The following EYS variants were observed in gnomAD, a reference collection of about 807,000 sequenced individuals.
EYS encodes EGF-like photoreceptor maintenance factor.
EYS carries 250 observed loss-of-function variants against 282.1 expected under a neutral mutation model. The ratio of observed to expected loss-of-function variants is 0.89; its 90% CI spans 0.80 to 0.98. EYS has a LOEUF of 0.98. Ranked by LOEUF, EYS falls within the 50% of genes least tolerant of loss-of-function variation. The pLI is 0.00. For synonymous variants in EYS, 1,355 were observed against 1,282.9 expected, an observed-to-expected ratio of 1.06 and a Z score of -1.20; for missense variants, 4,016 against 3,709.0, an observed-to-expected ratio of 1.08 and a Z score of -2.15.
intron 22 of EYS, among the ~76,000 whole-genome samples, chr6:64,775,630 C>A (rs1773655823): frequency 1.3e-5 from 2 of 151,900 alleles, no homozygotes; most frequent in Non-Finnish European, 2.9e-5. Flanking sequence ...TTCTCTAGGC[C>A]ACAAAATTTT....
At chr6:65,474,590 T>A (rs933705370) in intron 5 of EYS, among the ~76,000 whole-genome samples, 1 of 152,126 alleles carries the variant, frequency 6.6e-6, no homozygotes, top group Non-Finnish European at 1.5e-5. Context: ...AGTATGTAAA[T>A]CTTCCAACAG....
chr6:64,542,202 C>T (rs1764710839), intron 26 of EYS, among the ~76,000 whole-genome samples: 1 of 152,026 alleles, frequency 6.6e-6, no homozygotes, highest in Non-Finnish European at 1.5e-5. Context: ...ATAGCTGTCT[C>T]ATTCAAATAC....
chr6:65,379,026 T>C (rs1053624158), intron 8 of EYS, among the ~76,000 whole-genome samples: 1 of 150,988 alleles, frequency 6.6e-6, no homozygotes, highest in Non-Finnish European at 1.5e-5. Context: ...CAGAATTTAA[T>C]GTACAATAAT....
intron 26 of EYS, among the ~76,000 whole-genome samples, chr6:64,495,945 A>T (rs1324910646): frequency 6.6e-6 from 1 of 151,830 alleles, no homozygotes; most frequent in Admixed American, 6.6e-5. Flanking sequence ...CCTGAAAAAC[A>T]CATACAAAAG....
Position 64,230,907 on chromosome 6 carries a change from A to G in EYS, c.6192-83T>C. The G allele has an allele frequency of 4.9e-6, 4 of 815,316 alleles. No homozygotes were observed. In the South Asian group the frequency reaches 8.1e-5, roughly 16 times the overall value. The allele number at this position is 815,316 out of a possible 1,614,324, so 50.5% of individuals were successfully genotyped here. On this transcript the variant is annotated intron_variant, in intron 30 of 42. Transcript: ENST00000503581. ...ATAGAAATAATAGAAAATTTGATTT[A>G]ATATAAGAGAAAATGAAACCAATAC...
intron 24 of EYS, among the ~76,000 whole-genome samples, chr6:64,611,150 T>G (rs1374595270): frequency 6.6e-6 from 1 of 152,120 alleles, no homozygotes; most frequent in Non-Finnish European, 1.5e-5. Flanking sequence ...GAAAATACAT[T>G]TTTTGTGTTT....
At chr6:65,408,672 A>G (rs1306241783) in intron 5 of EYS, among the ~76,000 whole-genome samples, 3 of 151,970 alleles carry the variant, frequency 2.0e-5, no homozygotes, top group Non-Finnish European at 2.9e-5. Flanking sequence ...TCAAAAATCA[A>G]TTTTTTTGTT....
rs201423465 is a variant in EYS at position 65,098,011 on chromosome 6, C to T, written c.2024-40284G>A. Among the ~76,000 whole-genome samples the T allele has an allele frequency of 2.4e-4, 36 of 150,174 alleles. No homozygotes were observed. In the East Asian group the frequency reaches 6.3e-3, roughly 26 times the overall value. On this transcript the variant is annotated intron_variant, in intron 12 of 42. Transcript: ENST00000503581. ...TAACTAACACAAGCACGTATTTTTG[C>T]TTTTGTTTTTAATTTCCACTTTTAA...
At chr6:64,709,826 A>T (rs1771148019) in intron 22 of EYS, among the ~76,000 whole-genome samples, 2 of 152,234 alleles carry the variant, frequency 1.3e-5, no homozygotes, top group East Asian at 3.8e-4. Context: ...TTAATAAATC[A>T]TGAGCAACTG....
chr6:64,271,854 T>G (rs1215998023), intron 30 of EYS, among the ~76,000 whole-genome samples: 1 of 152,104 alleles, frequency 6.6e-6, no homozygotes, highest in Non-Finnish European at 1.5e-5. Flanking sequence ...TTATTTATTT[T>G]TTTGAGACAG....
chr6:64,255,528 C>T (rs1262267939), intron 30 of EYS, among the ~76,000 whole-genome samples: 1 of 151,898 alleles, frequency 6.6e-6, no homozygotes, highest in Non-Finnish European at 1.5e-5. Flanking sequence ...CAAACTGTGC[C>T]TTTAAAAAAG....
chr6:64,318,705 T>G (rs1251839858), intron 29 of EYS, among the ~76,000 whole-genome samples: 1 of 151,860 alleles, frequency 6.6e-6, no homozygotes, highest in Non-Finnish European at 1.5e-5. Context: ...TTTATTTATT[T>G]ATTTTAAAAC....
At chr6:65,601,984 T>G (rs1195475126) in intron 2 of EYS, among the ~76,000 whole-genome samples, 1 of 151,966 alleles carries the variant, frequency 6.6e-6, no homozygotes, top group Non-Finnish European at 1.5e-5. Flanking sequence ...AGCTTTATTG[T>G]TACAGCCTAT....
intron 28 of EYS, chr6:64,412,592 A>G: frequency 6.6e-6 from 1 of 152,162 alleles, no homozygotes; most frequent in Admixed American, 6.6e-5. Flanking sequence ...GTTGATGTCT[A>G]GTAATATACT....
chr6:63,991,554 C>T (rs1767603223), intron 34 of EYS, among the ~76,000 whole-genome samples: 1 of 151,252 alleles, frequency 6.6e-6, no homozygotes, highest in African/African-American at 2.4e-5. Flanking sequence ...AACTGTAATG[C>T]CTGAATTTAA....
At chr6:64,524,720 T>C (rs889055265) in intron 26 of EYS, among the ~76,000 whole-genome samples, 1 of 151,868 alleles carries the variant, frequency 6.6e-6, no homozygotes, top group African/African-American at 2.4e-5. Context: ...ATTTATTGTA[T>C]AGGGAGTCCT....
At chr6:65,496,075 CAT>C (rs1766248971) in intron 2 of EYS, 82 bp from the exon 3 acceptor site, 1 of 152,136 alleles carries the variant, frequency 6.6e-6, no homozygotes, top group Non-Finnish European at 1.5e-5. Flanking sequence ...TAAAATAACT[CAT>C]AGTGATAATC....
intron 26 of EYS, among the ~76,000 whole-genome samples, chr6:64,459,987 G>A (rs534046820): frequency 5.3e-5 from 8 of 150,278 alleles, no homozygotes; most frequent in South Asian, 2.1e-4. Context: ...CTAGTGACTC[G>A]GGATTTTTCT....
At chr6:64,219,916 CA>C (rs11357280) in intron 31 of EYS, among the ~76,000 whole-genome samples, 38,803 of 151,892 alleles carry the variant, frequency 0.26, 5,437 homozygotes, top group East Asian at 0.44. Flanking sequence ...TCATTCTCAG[CA>C]AACTACTGCA....
Sources: allele counts gnomAD v4.1 joint callset (sites outside exome capture counted in the v4.1 genomes callset), GRCh38; gene constraint gnomAD v4.1.1; transcripts MANE v1.5; gene names NCBI Gene and HGNC (gene_info 2026-07-23, HGNC 2026-07-21).